XPNPEP3: variants seen among roughly 807,000 people sequenced by gnomAD.
XPNPEP3 encodes X-prolyl aminopeptidase 3.
Under a neutral mutation model 60.0 loss-of-function variants are expected in XPNPEP3, and 41 were observed. The ratio of observed to expected loss-of-function variants is 0.68; its 90% CI spans 0.53 to 0.89. The LOEUF (loss-of-function observed/expected upper bound fraction) is 0.89. Among genes scored for constraint, XPNPEP3 ranks in the 40% least tolerant of loss-of-function variants. XPNPEP3 has a pLI of 0.00. For synonymous variants in XPNPEP3, 212 were observed against 223.2 expected (o/e 0.95, Z 0.45); for missense variants, 598 against 638.9 (o/e 0.94, Z 0.69).
rs762997831 is a variant in XPNPEP3 at position 40,881,815 on chromosome 22, G to T, written c.227G>T (p.Arg76Ile). Residue 76 changes from arginine to isoleucine, a missense_variant, in exon 3 of 10, where the codon AGA (arginine) becomes ATA (isoleucine). Coordinates refer to ENST00000357137, the MANE Select transcript of XPNPEP3 (RefSeq NM_022098.4). ...GLSQVEYALRRHKLMSLIQKE... is the reference protein window; with the variant it reads ...GLSQVEYALRIHKLMSLIQKE... ...TCTCAGGTGGAATATGCACTTCGCA[G>T]ACACAAACTAATGTCTCTGATCCAG... 57 of 1,614,080 alleles carry T rather than the reference G, an allele frequency of 3.5e-5. No homozygotes were observed. The highest frequency in any genetic ancestry group is 4.6e-5 in the Non-Finnish European group (54 of 1,180,034).
Position 40,884,399 on chromosome 22 carries a change from GGCTCACT to G in XPNPEP3, c.590-1911_590-1905del, listed in dbSNP as rs200834797. ...GGCTGGAGTGCAATGGCACCATCTC[GGCTCACT>G]GCAACTCCTGCCTCCCAGGTTCAAG... On this transcript the variant is annotated intron_variant, in intron 3 of 9. Transcript: ENST00000357137. Among the ~76,000 whole-genome samples the G allele has an allele frequency of 2.9e-4, 43 of 149,478 alleles. No individual in the cohort carries two copies. In the East Asian group the frequency reaches 8.1e-3, roughly 28 times the overall value.
intron 4 of XPNPEP3, among the ~76,000 whole-genome samples, chr22:40,904,711 G>T (rs986383160): frequency 6.6e-6 from 1 of 152,162 alleles, no homozygotes; most frequent in African/African-American, 2.4e-5. Flanking sequence ...TGCTGAATAA[G>T]TTATTTGTCA....
At position 40,886,497 on chromosome 22, in the gene XPNPEP3, TG is replaced by T. The variant is rs1324748722; in HGVS notation, c.777del (p.Lys260SerfsTer2). On this transcript the variant is annotated frameshift_variant, in exon 4 of 10. Transcript: ENST00000357137. LOFTEE classifies it high-confidence loss of function. The part of the protein sequence containing the change: ...PAEIERMQIA[G>X]KLTSQAFIET... Reference sequence around the variant, plus strand: ...CAGAAATTGAACGAATGCAGATTGCTGGGAAGCTGACATCACAGGTATGATT... The same window carrying T: ...CAGAAATTGAACGAATGCAGATTGCTGGAAGCTGACATCACAGGTATGATT... 2 of 1,613,882 alleles carry T rather than the reference TG, an allele frequency of 1.2e-6. No individual in the cohort carries two copies. Among genetic ancestry groups the T allele is most frequent in the Non-Finnish European group, 1.7e-6 (2 of 1,180,006 alleles).
intron 1 of XPNPEP3, among the ~76,000 whole-genome samples, chr22:40,864,685 T>A (rs750809678): frequency 1.3e-5 from 2 of 152,198 alleles, no homozygotes; most frequent in Non-Finnish European, 2.9e-5. Flanking sequence ...CCTCAGGTGA[T>A]CTGCCCGCCT....
At chr22:40,862,486 G>C (rs2057956305) in intron 1 of XPNPEP3, 1 of 985,738 alleles carries the variant, frequency 1.0e-6, no homozygotes, top group Non-Finnish European at 1.2e-6. Flanking sequence ...TATTCAAACA[G>C]TTGACATATT....
At chr22:40,922,284 A>G (rs767256501) in intron 7 of XPNPEP3, 49 bp from the exon 8 acceptor site, 1 of 1,608,144 alleles carries the variant, frequency 6.2e-7, no homozygotes, top group African/African-American at 1.3e-5. Flanking sequence ...CAAACTTCTT[A>G]GAATATCAGA....
chr22:40,895,427 C>A (rs2058104139), intron 4 of XPNPEP3, among the ~76,000 whole-genome samples: 1 of 151,930 alleles, frequency 6.6e-6, no homozygotes, highest in Middle Eastern at 3.4e-3. Flanking sequence ...CCTCTGCTTC[C>A]CGGGTTCAAG....
intron 4 of XPNPEP3, among the ~76,000 whole-genome samples, chr22:40,895,489 C>T (rs1396829493): frequency 6.6e-6 from 1 of 151,854 alleles, no homozygotes; most frequent in Admixed American, 6.6e-5. Context: ...CGCCCACCAG[C>T]ACGCCCGGCT....
At chr22:40,862,211 T>C in intron 1 of XPNPEP3, 1 of 1,342,558 alleles carries the variant, frequency 7.4e-7, no homozygotes, top group African/African-American at 1.5e-5. Flanking sequence ...TATGGTGTCA[T>C]TCTGGGGTCA....
intron 7 of XPNPEP3, among the ~76,000 whole-genome samples, chr22:40,918,600 C>T (rs2058205003): frequency 6.6e-6 from 1 of 151,784 alleles, no homozygotes; most frequent in Non-Finnish European, 1.5e-5. Flanking sequence ...AGGAGAATCA[C>T]TTGAACCCGG....
intron 4 of XPNPEP3, among the ~76,000 whole-genome samples, chr22:40,894,487 A>C (rs1359899122): frequency 6.6e-6 from 1 of 152,192 alleles, no homozygotes; most frequent in African/African-American, 2.4e-5. Context: ...TTTGAATGCA[A>C]ACCTTTCCCG....
intron 2 of XPNPEP3, among the ~76,000 whole-genome samples, chr22:40,872,137 A>G (rs996889214): frequency 3.2e-4 from 48 of 152,212 alleles, no homozygotes; most frequent in African/African-American, 1.1e-3. Context: ...AAGTTTCCTG[A>G]AGCATCAATA....
chr22:40,883,256 A>G (rs1179634732), intron 3 of XPNPEP3, among the ~76,000 whole-genome samples: 1 of 152,228 alleles, frequency 6.6e-6, no homozygotes, highest in Non-Finnish European at 1.5e-5. Context: ...AAAATGCATA[A>G]TATGTAATAG....
At position 40,907,636 on chromosome 22, in the gene XPNPEP3, T is replaced by A; in HGVS notation, c.842T>A (p.Phe281Tyr). The A allele has an allele frequency of 6.2e-7, 1 of 1,613,980 alleles. No individual in the cohort carries two copies. Among genetic ancestry groups the A allele is most frequent in the Non-Finnish European group, 8.5e-7 (1 of 1,179,906 alleles). The change falls in exon 5 of 10, where the codon TTT becomes TAT. Residue 281 changes from phenylalanine (F) to tyrosine (Y), a missense_variant. Physicochemically the swap from Phe to Tyr is conservative, Grantham distance 22. Coordinates refer to ENST00000357137, the MANE Select transcript of XPNPEP3 (RefSeq NM_022098.4). ...AGTAAAGCCCCTGTGGAAGAAGCCT[T>A]TCTTTATGCTAAGGTGAGATTCAGA... ...FTSKAPVEEA[F>Y]LYAKFEFECR... is the part of the protein sequence containing the mutation.
At chr22:40,865,853 T>A (rs1055104608) in intron 1 of XPNPEP3, among the ~76,000 whole-genome samples, 6 of 152,180 alleles carry the variant, frequency 3.9e-5, no homozygotes, top group African/African-American at 1.2e-4. Flanking sequence ...TGTACTCTTC[T>A]AGTTTTCCTT....
chr22:40,905,509 T>G (rs909065733), intron 4 of XPNPEP3, among the ~76,000 whole-genome samples: 1 of 152,152 alleles, frequency 6.6e-6, no homozygotes, highest in African/African-American at 2.4e-5. Flanking sequence ...CTCTTCACAG[T>G]TACATTCTGG....
rs537075522 is a variant in XPNPEP3 at position 40,920,890 on chromosome 22, T to G, written c.1056-1443T>G. Among the ~76,000 whole-genome samples the G allele has an allele frequency of 2.6e-5, 4 of 152,324 alleles. No homozygotes were observed. The East Asian group carries it at 7.7e-4, about 29-fold the overall frequency. ...TCACCACAACCTTCGCCTCCCAGTTTCAAGCGATTCTTCTGCCTCAGCCTC... is the reference window on the plus strand; with the variant it reads ...TCACCACAACCTTCGCCTCCCAGTTGCAAGCGATTCTTCTGCCTCAGCCTC... On this transcript the variant is annotated intron_variant, in intron 7 of 9. Transcript: ENST00000357137.
At chr22:40,909,559 G>T (rs2058169430) in intron 6 of XPNPEP3, among the ~76,000 whole-genome samples, 1 of 152,074 alleles carries the variant, frequency 6.6e-6, no homozygotes, top group Non-Finnish European at 1.5e-5. Flanking sequence ...GAGGTCAGGG[G>T]TTCGAGACCA....
intron 1 of XPNPEP3, among the ~76,000 whole-genome samples, chr22:40,864,367 C>T (rs2057967000): frequency 6.6e-6 from 1 of 152,132 alleles, no homozygotes. Flanking sequence ...GTAAAGCTCA[C>T]AGGAAGGTGA....
Sources: allele counts gnomAD v4.1 joint callset (sites outside exome capture counted in the v4.1 genomes callset), GRCh38; gene constraint gnomAD v4.1.1; transcripts MANE v1.5; gene names NCBI Gene and HGNC (gene_info 2026-07-23, HGNC 2026-07-21).